GOLGA4: variants seen among roughly 807,000 people sequenced by gnomAD.
GOLGA4 encodes golgin subfamily A member 4.
In GOLGA4, 169 loss-of-function variants were observed where a neutral mutation model predicts 265.9. The ratio of observed to expected loss-of-function variants is 0.64; its 90% CI spans 0.56 to 0.72. The LOEUF (loss-of-function observed/expected upper bound fraction) is 0.72, where lower values mean the gene tolerates loss of function less well. Among genes scored for constraint, GOLGA4 ranks in the 30% least tolerant of loss-of-function variants. GOLGA4 has a pLI of 0.00. For missense variants in GOLGA4, 2,482 were observed against 2,483.4 expected (o/e 1.00, Z 0.01); for synonymous variants, 923 against 855.8 (o/e 1.08, Z -1.37).
Position 37,302,391 on chromosome 3 carries a change from G to A in GOLGA4, c.1234+59G>A, listed in dbSNP as rs527780350. On this transcript the variant is annotated intron_variant, in intron 10 of 23. Transcript: ENST00000361924. ...AACTCAAAAGTTATTTAAAGTGCTT[G>A]ACCAGTATTTTTAAAAATGAGTTAA... 167 of 1,429,112 alleles carry A rather than the reference G, an allele frequency of 1.2e-4. No homozygotes were observed. The African/African-American group carries it at 2.2e-3, about 19-fold the overall frequency. 88.5% of individuals were successfully genotyped at this position (1,429,112 alleles called of 1,614,324 possible). A position where few individuals can be genotyped will look rare whatever the true frequency, so the allele number is the denominator to read the frequency against.
intron 5 of GOLGA4, 97 bp from the exon 6 acceptor site, chr3:37,294,882 G>C (rs752946862): frequency 2.9e-5 from 19 of 660,638 alleles, no homozygotes; most frequent in Admixed American, 5.3e-5. Context: ...TACCTTAAGG[G>C]GAATGCAAAT....
intron 5 of GOLGA4, among the ~76,000 whole-genome samples, chr3:37,294,455 A>G (rs1559392566): frequency 2.7e-5 from 4 of 150,762 alleles, no homozygotes; most frequent in Admixed American, 2.0e-4. Flanking sequence ...GCAAGCCTCA[A>G]CTCACTGCAA....
In GOLGA4 at chr3:37,282,186, TCAGA is replaced by T. The variant is rs1235927369; in HGVS notation, c.395_398del (p.Asp132ValfsTer7). On this transcript the variant is annotated frameshift_variant, in exon 3 of 24. Transcript: ENST00000361924. LOFTEE classifies it high-confidence loss of function. ...CGAGGCTGAAGACTTGGTAGGGAAT[TCAGA>T]CAGTCTCAACAAAGAACAGTTGATT... 1 of 1,614,058 alleles carries T rather than the reference TCAGA, an allele frequency of 6.2e-7. No homozygotes were observed. Among genetic ancestry groups the T allele is most frequent in the African/African-American group, 1.3e-5 (1 of 74,930 alleles).
intron 10 of GOLGA4, among the ~76,000 whole-genome samples, chr3:37,309,449 GGAGGCTGAGGCAGGAGAATTGCTT>G (rs1346777232): frequency 1.3e-5 from 2 of 151,958 alleles, no homozygotes; most frequent in Non-Finnish European, 2.9e-5. Context: ...CAGCTATTCT[GGAGGCTGAGGCAGGAGAATTGCTT>G]GAGCCTGGGA....
chr3:37,261,704 C>CT (rs1313524559), intron 2 of GOLGA4, among the ~76,000 whole-genome samples: 1 of 152,052 alleles, frequency 6.6e-6, no homozygotes, highest in Non-Finnish European at 1.5e-5. Context: ...TGTGGGGCTC[C>CT]TAGCACTGGT....
At chr3:37,364,777 A>G (rs1011104489) in intron 23 of GOLGA4, among the ~76,000 whole-genome samples, 2 of 151,386 alleles carry the variant, frequency 1.3e-5, no homozygotes, top group African/African-American at 2.4e-5. Flanking sequence ...AAGTTTGTAG[A>G]TACAGGGTCT....
At chr3:37,253,975 C>T (rs2096741063) in intron 2 of GOLGA4, among the ~76,000 whole-genome samples, 1 of 150,754 alleles carries the variant, frequency 6.6e-6, no homozygotes, top group Non-Finnish European at 1.5e-5. Context: ...GAGATCGTGC[C>T]ACTGCACTCT....
At chr3:37,275,603 G>C in intron 2 of GOLGA4, 2 of 1,452,966 alleles carry the variant, frequency 1.4e-6, no homozygotes, top group Non-Finnish European at 1.9e-6. Context: ...GTTGCTGCGC[G>C]CCGGGGGTCG....
chr3:37,328,235 C>G (rs776299160), intron 14 of GOLGA4, among the ~76,000 whole-genome samples, 181 bp from the exon 15 acceptor site: 1 of 105,544 alleles, frequency 9.5e-6, no homozygotes, highest in Non-Finnish European at 1.9e-5. Context: ...TGTACCTGGA[C>G]ACACACACAC....
intron 2 of GOLGA4, among the ~76,000 whole-genome samples, chr3:37,281,218 C>A (rs2096833793): frequency 6.6e-6 from 1 of 152,178 alleles, no homozygotes; most frequent in African/African-American, 2.4e-5. Flanking sequence ...GAGAACAGGT[C>A]TTCCTTATCA....
intron 2 of GOLGA4, among the ~76,000 whole-genome samples, chr3:37,278,888 C>T (rs1429627758): frequency 6.6e-6 from 1 of 150,418 alleles, no homozygotes; most frequent in East Asian, 2.0e-4. Flanking sequence ...TCATAGCTTA[C>T]TGCAGCCTCA....
chr3:37,365,314 G>A (rs1292782620), intron 23 of GOLGA4, among the ~76,000 whole-genome samples: 1 of 152,124 alleles, frequency 6.6e-6, no homozygotes, highest in East Asian at 1.9e-4. Context: ...TGTTGCCCAG[G>A]CTGGAGAGCG....
chr3:37,262,881 C>T (rs1201653930), intron 2 of GOLGA4, among the ~76,000 whole-genome samples: 1 of 151,330 alleles, frequency 6.6e-6, no homozygotes, highest in East Asian at 2.0e-4. Flanking sequence ...GACAGTAGTC[C>T]CATAAGATTA....
In GOLGA4 at chr3:37,243,460, A is replaced by G; in HGVS notation, c.-91A>G. 1.8e-6 allele frequency: 2 copies of G among 1,101,138 alleles called. No homozygotes were observed. The highest frequency in any genetic ancestry group is 1.2e-5 in the South Asian group (1 of 80,216). 68.2% of individuals were successfully genotyped at this position (1,101,138 alleles called of 1,614,324 possible). On this transcript the variant is annotated 5_prime_UTR_variant, in exon 1 of 24. It removes the in-frame stop codon of an upstream open reading frame in the 5' UTR. Transcript: ENST00000361924. ...GCCCGGCCCCCGCTGTCCCTGGTGT[A>G]AAGAAGTCGCCGTAGCCGTCGCGGC...
Position 37,324,116 on chromosome 3 carries a change from G to A in GOLGA4, c.2230G>A (p.Glu744Lys), listed in dbSNP as rs760554322. 7 of 1,614,054 alleles carry A rather than the reference G, an allele frequency of 4.3e-6. No individual in the cohort carries two copies. The highest frequency in any genetic ancestry group is 3.3e-5 in the South Asian group (3 of 91,066). The change falls in exon 14 of 24, where the codon GAG becomes AAG. Residue 744 changes from glutamate (E) to lysine (K), a missense_variant. Physicochemically the swap from Glu to Lys is moderately conservative, Grantham distance 56 (BLOSUM62 1). Transcript: ENST00000361924. ...QQVDSIIKEH[E>K]VSIQRTEKAL... ...AGTTGACAGTATCATTAAAGAACAC[G>A]AGGTATCTATCCAGAGGACTGAGAA...
At chr3:37,348,325 T>G (rs966575970) in intron 21 of GOLGA4, among the ~76,000 whole-genome samples, 1 of 152,202 alleles carries the variant, frequency 6.6e-6, no homozygotes, top group Non-Finnish European at 1.5e-5. Context: ...CACATTTCAT[T>G]ATATCAAGTT....
In GOLGA4 at chr3:37,328,989, CT is replaced by C; in HGVS notation, c.6092del (p.Leu2031Ter). Reference protein sequence around the residue: ...INKAQEVEAELLESHQEETNQ... With the variant: ...INKAQEVEAEXLESHQEETNQ... ...TAAGGCCCAGGAGGTGGAGGCTGAA[CT>C]TTTAGAAAGCCATCAAGAAGAGACA... On this transcript the variant is annotated frameshift_variant, in exon 16 of 24. Coordinates refer to ENST00000361924, the MANE Select transcript of GOLGA4 (RefSeq NM_002078.5). LOFTEE classifies it high-confidence loss of function. 1 of 1,606,910 alleles carries C rather than the reference CT, an allele frequency of 6.2e-7. No homozygotes were observed. Among genetic ancestry groups the C allele is most frequent in the Non-Finnish European group, 8.5e-7 (1 of 1,177,202 alleles).
chr3:37,247,909 C>T (rs1292131904), intron 1 of GOLGA4, among the ~76,000 whole-genome samples: 1 of 152,206 alleles, frequency 6.6e-6, no homozygotes, highest in Admixed American at 6.5e-5. Context: ...GTACGTCCCT[C>T]TGCCCTCTAG....
rs760449220 is a variant in GOLGA4, at chr3:37,327,342, A to G, written c.5456A>G (p.Glu1819Gly). 1.7e-5 allele frequency: 28 copies of G among 1,613,750 alleles called. No homozygotes were observed. Among genetic ancestry groups the G allele is most frequent in the African/African-American group, 1.5e-4 (11 of 74,898 alleles). Residue 1819 changes from glutamate to glycine, a missense_variant, in exon 14 of 24, where the codon GAA becomes GGA. Physicochemically the swap from Glu to Gly is moderately conservative, Grantham distance 98 (BLOSUM62 -2). Coordinates refer to ENST00000361924, the MANE Select transcript of GOLGA4 (RefSeq NM_002078.5). ...SLIVAQHVEK[E>G]GGKNNIQAKQ... ...ATAGTAGCCCAGCATGTGGAAAAAGAAGGAGGTAAAAATAACATACAGGCA... is the reference window on the plus strand; with the variant it reads ...ATAGTAGCCCAGCATGTGGAAAAAGGAGGAGGTAAAAATAACATACAGGCA...
Sources: gnomAD v4.1 joint callset for allele counts (sites outside exome capture counted in the v4.1 genomes callset) on GRCh38, gnomAD v4.1.1 for gene constraint, MANE v1.5 for transcripts, NCBI Gene and HGNC (gene_info 2026-07-23, HGNC 2026-07-21) for gene names.